ATXN7: variants seen among roughly 807,000 people sequenced by gnomAD.
The protein encoded by ATXN7 is ataxin 7.
In ATXN7, 12 loss-of-function variants were observed where a neutral mutation model predicts 70.5. The ratio of observed to expected loss-of-function variants is 0.17; its 90% CI spans 0.11 to 0.28. The LOEUF (loss-of-function observed/expected upper bound fraction) is 0.28. ATXN7 is among the 10% of genes least tolerant of loss of function. The pLI is 1.00. For missense variants in ATXN7, 1,256 were observed against 1,131.7 expected (o/e 1.11, Z -1.58); for synonymous variants, 498 against 448.7 (o/e 1.11, Z -1.39).
At chr3:63,876,224 A>G (rs1559617147) in intron 1 of ATXN7, among the ~76,000 whole-genome samples, 1 of 151,990 alleles carries the variant, frequency 6.6e-6, no homozygotes, top group East Asian at 1.9e-4. Flanking sequence ...ATTTCCTTAT[A>G]CTTTTTTCAC....
At chr3:63,895,135 G>A (rs1025694773) in intron 1 of ATXN7, among the ~76,000 whole-genome samples, 2 of 152,178 alleles carry the variant, frequency 1.3e-5, no homozygotes, top group African/African-American at 4.8e-5. Flanking sequence ...AAGAATTTAA[G>A]TTTATACTGT....
chr3:63,960,747 G>GAATTT (rs2075115597), intron 5 of ATXN7, among the ~76,000 whole-genome samples: 3 of 151,944 alleles, frequency 2.0e-5, no homozygotes, highest in African/African-American at 7.3e-5. Flanking sequence ...TTAATGAGGT[G>GAATTT]CACTGACCTG....
rs73834169 is a variant in ATXN7 at position 63,999,648 on chromosome 3, A to G, written c.*181A>G. The G allele has an allele frequency of 1.8e-4, 199 of 1,090,678 alleles. No homozygotes were observed. The African/African-American group carries it at 2.8e-3, about 15-fold the overall frequency. The allele number at this position is 1,090,678 out of a possible 1,614,324, so 67.6% of individuals were successfully genotyped here. On this transcript the variant is annotated 3_prime_UTR_variant, in exon 13 of 13. Transcript: ENST00000674280. The stretch of plus-strand genomic sequence containing the variant: ...AGGATTTCCCTGAAGCTATGTCTCT[A>G]GCAGTGAGTACTCATAAAGGACACT...
intron 5 of ATXN7, among the ~76,000 whole-genome samples, chr3:63,957,462 T>A (rs1056954077): frequency 2.6e-5 from 4 of 152,248 alleles, no homozygotes; most frequent in African/African-American, 9.6e-5. Flanking sequence ...TATTTTTCTT[T>A]AAATCAGACC....
intron 4 of ATXN7, among the ~76,000 whole-genome samples, chr3:63,939,299 A>T (rs941117104): frequency 6.6e-6 from 1 of 152,108 alleles, no homozygotes; most frequent in Non-Finnish European, 1.5e-5. Context: ...TCATGTCAAC[A>T]GTTCCTTCTA....
chr3:63,982,914 T>A, intron 7 of ATXN7, 25 bp from the exon 8 acceptor site: 1 of 1,588,116 alleles, frequency 6.3e-7, no homozygotes, highest in South Asian at 1.1e-5. Flanking sequence ...TCAGGCCACA[T>A]GTAATGCCTG....
At chr3:63,992,042 C>A (rs966110968) in intron 11 of ATXN7, among the ~76,000 whole-genome samples, 6 of 152,084 alleles carry the variant, frequency 3.9e-5, no homozygotes, top group African/African-American at 1.4e-4. Context: ...AAGTGACTGT[C>A]CAGTAATCCC....
intron 4 of ATXN7, among the ~76,000 whole-genome samples, chr3:63,932,559 T>C (rs908120535): frequency 2.6e-5 from 4 of 152,188 alleles, no homozygotes; most frequent in African/African-American, 9.7e-5. Flanking sequence ...CCATTGCCCT[T>C]AGGGTAAAGG....
intron 8 of ATXN7, among the ~76,000 whole-genome samples, chr3:63,985,546 C>T (rs910597311): frequency 2.0e-5 from 3 of 152,214 alleles, no homozygotes; most frequent in Non-Finnish European, 4.4e-5. Flanking sequence ...AACATGCCTG[C>T]ATGTCCCTAC....
rs558692345 is a variant in ATXN7, at chr3:63,910,565, A to G, written c.-11-2023A>G. On this transcript the variant is annotated intron_variant, in intron 2 of 12. Transcript: ENST00000674280. ...AATCTGCATAGGGGTCATCTAAGCT[A>G]TGTTAAAAGTTAGAAGGGAACTCTA... is the stretch of plus-strand genomic sequence containing the variant. Among the ~76,000 whole-genome samples the G allele has an allele frequency of 5.3e-5, 8 of 152,334 alleles. No individual in the cohort carries two copies. In the South Asian group the frequency reaches 1.7e-3, roughly 32 times the overall value.
intron 5 of ATXN7, among the ~76,000 whole-genome samples, chr3:63,975,847 T>C (rs1020094473): frequency 4.6e-5 from 7 of 152,158 alleles, no homozygotes; most frequent in Non-Finnish European, 8.8e-5. Flanking sequence ...CTCCCTCTCT[T>C]CTCCCCAGCA....
chr3:63,952,210 C>G (rs866930469), intron 4 of ATXN7, among the ~76,000 whole-genome samples, 169 bp from the exon 5 acceptor site: 1 of 152,216 alleles, frequency 6.6e-6, no homozygotes, highest in Middle Eastern at 3.2e-3. Context: ...TAAAGTGTGT[C>G]TGTAAGCCTG....
At chr3:63,888,540 A>G (rs1703156692) in intron 1 of ATXN7, among the ~76,000 whole-genome samples, 1 of 152,184 alleles carries the variant, frequency 6.6e-6, no homozygotes, top group South Asian at 2.1e-4. Flanking sequence ...GCACTTTGGA[A>G]GGCTGAGGCA....
intron 12 of ATXN7, chr3:63,998,117 C>T (rs148238522): frequency 1.4e-5 from 14 of 984,336 alleles, no homozygotes; most frequent in Non-Finnish European, 1.7e-5. Flanking sequence ...TAATGTCCAT[C>T]TCACATCTGT....
intron 5 of ATXN7, among the ~76,000 whole-genome samples, chr3:63,967,300 T>C (rs555724660): frequency 1.2e-4 from 19 of 152,340 alleles, no homozygotes; most frequent in African/African-American, 4.3e-4. Context: ...TATGAAATTA[T>C]ACATATTTTA....
chr3:63,919,486 C>A (rs1294763401), intron 4 of ATXN7, among the ~76,000 whole-genome samples: 1 of 151,980 alleles, frequency 6.6e-6, no homozygotes, highest in East Asian at 1.9e-4. Context: ...AGTCTTAAAC[C>A]AAGAGTTCAT....
At chr3:63,917,426 AT>A (rs1037359016) in intron 4 of ATXN7, among the ~76,000 whole-genome samples, 4 of 152,226 alleles carry the variant, frequency 2.6e-5, no homozygotes, top group Non-Finnish European at 4.4e-5. Context: ...GGGTTTCTAT[AT>A]TAGTGCCTGA....
chr3:63,942,990 G>A (rs2074796229), intron 4 of ATXN7, among the ~76,000 whole-genome samples: 1 of 152,178 alleles, frequency 6.6e-6, no homozygotes, highest in South Asian at 2.1e-4. Context: ...CAGGTACTGT[G>A]CTATGTACTT....
At chr3:63,906,569 C>CT (rs1703846456) in intron 2 of ATXN7, among the ~76,000 whole-genome samples, 1 of 152,166 alleles carries the variant, frequency 6.6e-6, no homozygotes, top group Non-Finnish European at 1.5e-5. Flanking sequence ...AGCATATACT[C>CT]TTAACTCTGA....
Sources: gnomAD v4.1 joint callset for allele counts (sites outside exome capture counted in the v4.1 genomes callset) on GRCh38, gnomAD v4.1.1 for gene constraint, MANE v1.5 for transcripts, NCBI Gene and HGNC (gene_info 2026-07-23, HGNC 2026-07-21) for gene names.